ADAMTSL1: variants seen among roughly 807,000 people sequenced by gnomAD.
ADAMTSL1 encodes the protein ADAMTS-like protein 1.
A neutral mutation model predicts 201.8 loss-of-function variants in ADAMTSL1; 126 were observed. The observed-to-expected ratio is 0.62, with a 90% CI of 0.54 to 0.72. The LOEUF is 0.72. Ranked by LOEUF, ADAMTSL1 falls within the 30% of genes least tolerant of loss-of-function variation. The pLI is 0.00. For synonymous variants in ADAMTSL1, 1,121 were observed against 903.4 expected, an observed-to-expected ratio of 1.24 and a Z score of -4.32; for missense variants, 2,679 against 2,277.8, an observed-to-expected ratio of 1.18 and a Z score of -3.59.
intron 1 of ADAMTSL1, among the ~76,000 whole-genome samples, chr9:17,931,022 C>G (rs1274052597): frequency 2.6e-5 from 4 of 152,176 alleles, no homozygotes; most frequent in African/African-American, 9.7e-5. Flanking sequence ...AAGTCCTAGT[C>G]TTTTGATGAA....
intron 1 of ADAMTSL1, among the ~76,000 whole-genome samples, chr9:18,118,570 T>TG (rs2131908235): frequency 6.6e-6 from 1 of 152,208 alleles, no homozygotes; most frequent in South Asian, 2.1e-4. Flanking sequence ...TTGCCTTTAA[T>TG]GGGGGAGAGG....
At chr9:18,593,224 T>C (rs1312786956) in intron 4 of ADAMTSL1, among the ~76,000 whole-genome samples, 1 of 152,150 alleles carries the variant, frequency 6.6e-6, no homozygotes, top group Non-Finnish European at 1.5e-5. Flanking sequence ...AGCAGTTTGA[T>C]TTCTCTAGCT....
chr9:18,691,367 A>C (rs1162679711), intron 13 of ADAMTSL1, among the ~76,000 whole-genome samples: 1 of 152,212 alleles, frequency 6.6e-6, no homozygotes, highest in African/African-American at 2.4e-5. Context: ...ATTATGATCA[A>C]ACTGATTTGA....
intron 1 of ADAMTSL1, among the ~76,000 whole-genome samples, chr9:17,977,334 C>T (rs375326996): frequency 1.3e-5 from 2 of 151,926 alleles, no homozygotes; most frequent in Non-Finnish European, 2.9e-5. Flanking sequence ...CAATGCTGGC[C>T]TTATAAAATT....
At chr9:18,767,581 A>G (rs1296126059) in intron 16 of ADAMTSL1, among the ~76,000 whole-genome samples, 6 of 152,246 alleles carry the variant, frequency 3.9e-5, no homozygotes, top group African/African-American at 1.4e-4. Context: ...CCATAGCAAC[A>G]GGATTATTCT....
intron 4 of ADAMTSL1, among the ~76,000 whole-genome samples, chr9:18,578,802 A>G (rs1458541744): frequency 6.6e-6 from 1 of 151,276 alleles, no homozygotes; most frequent in African/African-American, 2.4e-5. Flanking sequence ...AGGAATCGCC[A>G]CACTGACTTC....
Position 18,739,420 on chromosome 9 carries a change from A to T in ADAMTSL1, c.2007-13878A>T, listed in dbSNP as rs186416439. On this transcript the variant is annotated intron_variant, in intron 15 of 28. Coordinates refer to ENST00000380548, the MANE Select transcript of ADAMTSL1 (RefSeq NM_001040272.6). Reference sequence around the variant, plus strand: ...AGTTCTATCAGATCCAAGTGTGTTTAAAAATAGTGTCCCAGGGATAAAAGT... The same window carrying T: ...AGTTCTATCAGATCCAAGTGTGTTTTAAAATAGTGTCCCAGGGATAAAAGT... 1.2e-4 allele frequency among the ~76,000 whole-genome samples: 18 copies of T among 152,350 alleles called. No individual in the cohort carries two copies. In the East Asian group the frequency reaches 3.5e-3, roughly 29 times the overall value.
intron 3 of ADAMTSL1, among the ~76,000 whole-genome samples, chr9:18,570,044 A>G (rs1191376250): frequency 1.3e-5 from 2 of 152,112 alleles, no homozygotes; most frequent in Non-Finnish European, 2.9e-5. Flanking sequence ...CAAAACAGTT[A>G]GGTTATCAGT....
chr9:18,180,734 C>T (rs1216968098), intron 2 of ADAMTSL1, among the ~76,000 whole-genome samples: 1 of 149,604 alleles, frequency 6.7e-6, no homozygotes, highest in Non-Finnish European at 1.5e-5. Flanking sequence ...AGATTCAATG[C>T]CATCCCCATC....
intron 2 of ADAMTSL1, among the ~76,000 whole-genome samples, chr9:18,247,866 CT>C (rs1831322694): frequency 6.6e-6 from 1 of 151,630 alleles, no homozygotes; most frequent in Non-Finnish European, 1.5e-5. Flanking sequence ...CCTTGCATGC[CT>C]GGTATATATA....
chr9:18,254,667 G>GCCCC (rs530444304), intron 2 of ADAMTSL1, among the ~76,000 whole-genome samples: 2 of 41,816 alleles, frequency 4.8e-5, no homozygotes, highest in African/African-American at 1.6e-4. Context: ...CTGCCCCCCC[G>GCCCC]CCCCCCCCAG....
intron 26 of ADAMTSL1, among the ~76,000 whole-genome samples, chr9:18,904,732 C>CT (rs373922316): frequency 0.29 from 15,826 of 55,046 alleles, 2,958 homozygotes; most frequent in Non-Finnish European, 0.36. Flanking sequence ...GTTAAGGGGG[C>CT]TTTTTTTTTT....
intron 1 of ADAMTSL1, among the ~76,000 whole-genome samples, chr9:17,937,573 C>A (rs573304911): frequency 3.5e-5 from 4 of 114,828 alleles, no homozygotes; most frequent in Non-Finnish European, 7.7e-5. Flanking sequence ...GTAATATTAA[C>A]CCTTTTTAGA....
intron 14 of ADAMTSL1, among the ~76,000 whole-genome samples, chr9:18,714,596 G>A (rs9406756): frequency 0.14 from 17,176 of 119,340 alleles, 1,607 homozygotes; most frequent in Middle Eastern, 0.2. Flanking sequence ...TGAAATTGTG[G>A]CAATAATCAA....
At chr9:18,210,308 T>C (rs1829814321) in intron 2 of ADAMTSL1, among the ~76,000 whole-genome samples, 1 of 150,268 alleles carries the variant, frequency 6.7e-6, no homozygotes, top group South Asian at 2.1e-4. Context: ...TCATTAAAAT[T>C]TTAATTAATT....
rs1163372372 is a variant in ADAMTSL1, at chr9:18,821,642, CCTT to C, written c.3934+4409_3934+4411del. On this transcript the variant is annotated intron_variant, in intron 21 of 28. Transcript: ENST00000380548. ...ATGGAGAAACGTGGAAGGCTGGAAA[CCTT>C]CTTTCCAGACTGCCTTGGTTTTTTA... is the stretch of plus-strand genomic sequence containing the variant. Among the ~76,000 whole-genome samples, 7 of 152,242 alleles carry C rather than the reference CCTT, an allele frequency of 4.6e-5. No homozygotes were observed. The South Asian group carries it at 6.2e-4, about 14-fold the overall frequency.
intron 2 of ADAMTSL1, among the ~76,000 whole-genome samples, chr9:18,301,021 A>G (rs539719474): frequency 1.3e-5 from 2 of 152,318 alleles, no homozygotes; most frequent in African/African-American, 4.8e-5. Context: ...GTTAAGAAAA[A>G]TGTAATTGAG....
chr9:18,805,575 G>T (rs1218492201), intron 20 of ADAMTSL1, among the ~76,000 whole-genome samples: 2 of 152,150 alleles, frequency 1.3e-5, no homozygotes, highest in Non-Finnish European at 2.9e-5. Flanking sequence ...TGTAGAAGTA[G>T]AAAACTGAGG....
intron 4 of ADAMTSL1, among the ~76,000 whole-genome samples, chr9:18,587,751 C>G (rs897116764): frequency 1.3e-5 from 2 of 152,132 alleles, no homozygotes; most frequent in Non-Finnish European, 2.9e-5. Flanking sequence ...CTTTCTGTGC[C>G]TGGTTTATTT....
Sources: allele counts gnomAD v4.1 joint callset (sites outside exome capture counted in the v4.1 genomes callset), GRCh38; gene constraint gnomAD v4.1.1; transcripts MANE v1.5; gene names NCBI Gene and HGNC (gene_info 2026-07-23, HGNC 2026-07-21).